Variants in VEGFC observed in about 807,000 individuals in gnomAD.
VEGFC encodes the protein FLT4 ligand DHM.
VEGFC carries 12 observed loss-of-function variants against 46.1 expected under a neutral mutation model. The ratio of observed to expected loss-of-function variants is 0.26; its 90% CI spans 0.17 to 0.42. VEGFC has a LOEUF of 0.42. Among genes scored for constraint, VEGFC ranks in the 10% least tolerant of loss-of-function variants. The pLI is 1.00. For synonymous variants in VEGFC, 232 were observed against 195.5 expected, an observed-to-expected ratio of 1.19 and a Z score of -1.56; for missense variants, 488 against 529.4, an observed-to-expected ratio of 0.92 and a Z score of 0.77.
intron 1 of VEGFC, among the ~76,000 whole-genome samples, chr4:176,777,959 G>A (rs7678985): frequency 0.11 from 12,867 of 114,226 alleles, 2,000 homozygotes; most frequent in African/African-American, 0.33. Context: ...AGCTATTCTT[G>A]TTATATGTAG....
At chr4:176,692,820 C>T (rs535874585) in intron 4 of VEGFC, among the ~76,000 whole-genome samples, 1 of 144,994 alleles carries the variant, frequency 6.9e-6, no homozygotes, top group Non-Finnish European at 1.5e-5. Context: ...TCCCTGACCC[C>T]TGACCCCCGA....
At chr4:176,704,654 C>T (rs569944789) in intron 4 of VEGFC, among the ~76,000 whole-genome samples, 47 of 152,214 alleles carry the variant, frequency 3.1e-4, no homozygotes, top group Middle Eastern at 3.4e-3. Context: ...TTCCACCTCC[C>T]GTTTTGCTTC....
chr4:176,711,678 A>C lies in VEGFC; in HGVS notation c.553-28T>G, dbSNP rs766629934. 1.9e-6 allele frequency: 3 copies of C among 1,609,786 alleles called. No homozygotes were observed. The South Asian group carries it at 3.3e-5, about 18-fold the overall frequency. On this transcript the variant is annotated intron_variant, in intron 3 of 6. Transcript: ENST00000618562. ...ACAAAGAAGGGACAAAAAGAAGAAAAAATTATATAGATGCTGTAAAGCACT... is the reference window on the plus strand; with the variant it reads ...ACAAAGAAGGGACAAAAAGAAGAAACAATTATATAGATGCTGTAAAGCACT...
chr4:176,750,915 C>G (rs1359091612), intron 1 of VEGFC, among the ~76,000 whole-genome samples: 1 of 151,110 alleles, frequency 6.6e-6, no homozygotes, highest in Non-Finnish European at 1.5e-5. Flanking sequence ...TGGGTTATAA[C>G]AGGAAATCCC....
chr4:176,765,595 G>A (rs1316870165), intron 1 of VEGFC, among the ~76,000 whole-genome samples: 5 of 131,368 alleles, frequency 3.8e-5, no homozygotes, highest in Admixed American at 1.8e-4. Context: ...TCGCTCTGTC[G>A]CCCAGGCTGG....
chr4:176,737,920 T>G (rs1392763103), intron 1 of VEGFC, among the ~76,000 whole-genome samples: 5 of 151,952 alleles, frequency 3.3e-5, no homozygotes, highest in African/African-American at 9.6e-5. Context: ...GTTTAATGGT[T>G]GTGATGGTGA....
intron 3 of VEGFC, among the ~76,000 whole-genome samples, chr4:176,713,954 G>A (rs1734657906): frequency 6.6e-6 from 1 of 152,172 alleles, no homozygotes; most frequent in Non-Finnish European, 1.5e-5. Flanking sequence ...GTGGTTCCAA[G>A]GGCTGTGGCA....
chr4:176,783,666 C>T (rs1454064865), intron 1 of VEGFC, among the ~76,000 whole-genome samples: 1 of 152,126 alleles, frequency 6.6e-6, no homozygotes, highest in Non-Finnish European at 1.5e-5. Flanking sequence ...GGTCTATGGA[C>T]ACCTGTGCTG....
At chr4:176,756,165 C>G (rs1735429798) in intron 1 of VEGFC, among the ~76,000 whole-genome samples, 1 of 151,898 alleles carries the variant, frequency 6.6e-6, no homozygotes. Context: ...GTGATAATAA[C>G]AATATAAATT....
rs529732970 is a variant in VEGFC at position 176,694,263 on chromosome 4, C to T, written c.705-6336G>A. Among the ~76,000 whole-genome samples the T allele has an allele frequency of 8.2e-3, 1,230 of 149,754 alleles. 10 individuals carry two copies. Among genetic ancestry groups the T allele is most frequent in the Non-Finnish European group, 0.012 (796 of 67,156 alleles). On this transcript the variant is annotated intron_variant, in intron 4 of 6. Transcript: ENST00000618562. ...TCACGTGCAGAGACACACATAGGCT[C>T]AAAATAAAAGGATGGAGGAAGATCT... is the stretch of plus-strand genomic sequence containing the variant.
At chr4:176,769,262 C>T (rs1316452377) in intron 1 of VEGFC, among the ~76,000 whole-genome samples, 1 of 152,116 alleles carries the variant, frequency 6.6e-6, no homozygotes, top group Admixed American at 6.5e-5. Context: ...GTCTAAGACA[C>T]TTTGTTATAG....
chr4:176,690,868 C>T (rs1734164116), intron 4 of VEGFC, among the ~76,000 whole-genome samples: 1 of 152,190 alleles, frequency 6.6e-6, no homozygotes, highest in Non-Finnish European at 1.5e-5. Flanking sequence ...AGAAAGGCAT[C>T]TTTCATTTTA....
intron 3 of VEGFC, among the ~76,000 whole-genome samples, chr4:176,720,852 A>G (rs1179454701): frequency 1.3e-5 from 2 of 151,832 alleles, no homozygotes; most frequent in Non-Finnish European, 2.9e-5. Flanking sequence ...TAAAAAAAAA[A>G]AAAAAAAAAA....
At chr4:176,719,710 A>G (rs1008630830) in intron 3 of VEGFC, among the ~76,000 whole-genome samples, 11 of 152,210 alleles carry the variant, frequency 7.2e-5, no homozygotes, top group Non-Finnish European at 1.5e-4. Flanking sequence ...CTTTTAGTAC[A>G]TAATATGAAG....
intron 1 of VEGFC, among the ~76,000 whole-genome samples, chr4:176,765,027 G>A (rs1169268045): frequency 6.6e-6 from 1 of 152,066 alleles, no homozygotes; most frequent in Non-Finnish European, 1.5e-5. Flanking sequence ...CAGCAACATA[G>A]CAAGACTCTG....
intron 1 of VEGFC, among the ~76,000 whole-genome samples, chr4:176,789,452 T>A (rs1736053416): frequency 6.6e-6 from 1 of 152,250 alleles, no homozygotes; most frequent in Admixed American, 6.5e-5. Flanking sequence ...TTGAACTTTC[T>A]ATATCTAAAA....
At chr4:176,730,749 T>G (rs2111019550) in intron 1 of VEGFC, among the ~76,000 whole-genome samples, 1 of 152,242 alleles carries the variant, frequency 6.6e-6, no homozygotes, top group Non-Finnish European at 1.5e-5. Flanking sequence ...CTGTCTAATT[T>G]TTGAGCACAA....
At chr4:176,791,217 T>C (rs1478041033) in intron 1 of VEGFC, among the ~76,000 whole-genome samples, 1 of 152,216 alleles carries the variant, frequency 6.6e-6, no homozygotes, top group Admixed American at 6.5e-5. Flanking sequence ...TACCGCAGTA[T>C]AGTTCCAGCA....
chr4:176,771,896 G>A (rs1735729459), intron 1 of VEGFC, among the ~76,000 whole-genome samples: 1 of 152,174 alleles, frequency 6.6e-6, no homozygotes, highest in Admixed American at 6.5e-5. Context: ...AGAGGAGCCT[G>A]TGATCTGAAA....
Sources: gnomAD v4.1 joint callset for allele counts (sites outside exome capture counted in the v4.1 genomes callset) on GRCh38, gnomAD v4.1.1 for gene constraint, MANE v1.5 for transcripts, NCBI Gene and HGNC (gene_info 2026-07-23, HGNC 2026-07-21) for gene names.